MFSD8: variants seen among roughly 807,000 people sequenced by gnomAD.
MFSD8 encodes the protein major facilitator superfamily domain-containing protein 8.
In MFSD8, 55 loss-of-function variants were observed where a neutral mutation model predicts 66.4. The observed-to-expected ratio is 0.83, with a 90% CI of 0.67 to 1.04. The LOEUF is 1.04. MFSD8 is among the 50% of genes least tolerant of loss of function. The probability of loss-of-function intolerance (pLI) is 0.00; values close to 1 mark genes in which losing one functional copy is unlikely to be tolerated. For synonymous variants in MFSD8, 202 were observed against 212.8 expected (o/e 0.95, Z 0.44); for missense variants, 550 against 627.6 (o/e 0.88, Z 1.32).
intron 1 of MFSD8, among the ~76,000 whole-genome samples, chr4:127,960,940 A>G (rs1743633000): frequency 6.6e-6 from 1 of 152,206 alleles, no homozygotes; most frequent in Admixed American, 6.5e-5. Context: ...CTGGTTATCT[A>G]AACACCTATA....
At chr4:127,930,580 A>G (rs1459804426) in intron 9 of MFSD8, 103 bp downstream of exon 9, 45 of 1,321,410 alleles carry the variant, frequency 3.4e-5, no homozygotes, top group Non-Finnish European at 4.8e-5. Context: ...GTGTGCAAAA[A>G]AAAGCTTTAA....
chr4:127,962,145 CG>C (rs1191962210), intron 1 of MFSD8, among the ~76,000 whole-genome samples: 4 of 152,106 alleles, frequency 2.6e-5, no homozygotes, highest in Non-Finnish European at 4.4e-5. Context: ...AAAAAGCAGA[CG>C]TAAGTACTTA....
chr4:127,964,501 G>GGGGCCGGCA (rs1560789480), intron 1 of MFSD8, among the ~76,000 whole-genome samples: 2 of 152,226 alleles, frequency 1.3e-5, no homozygotes, highest in African/African-American at 2.4e-5. Flanking sequence ...CTCATTGCCC[G>GGGGCCGGCA]GGGCCGGCAG....
rs1220960983 is a variant in MFSD8 at position 127,957,690 on chromosome 4, T to C, written c.63-98A>G. ...TTCTCTAGTTATGAAAATGATGTGA[T>C]AGAGGTAGAATTTACCAATATTGAT... is the stretch of plus-strand genomic sequence containing the variant. On this transcript the variant is annotated intron_variant, in intron 1 of 11. Transcript: ENST00000641686. 7.3e-6 allele frequency: 6 copies of C among 824,106 alleles called. No homozygotes were observed. In the South Asian group the frequency reaches 7.7e-5, roughly 11 times the overall value. The allele number at this position is 824,106 out of a possible 1,614,324, so 51.0% of individuals were successfully genotyped here. A position where few individuals can be genotyped will look rare whatever the true frequency, so the allele number is the denominator to read the frequency against.
intron 2 of MFSD8, among the ~76,000 whole-genome samples, chr4:127,953,543 GTTTTTTTTTTTTTTTT>G (rs952826538): frequency 7.5e-5 from 5 of 67,032 alleles, no homozygotes; most frequent in Admixed American, 3.3e-4. Context: ...AAGGCATTCT[GTTTTTTTTTTTTTTTT>G]TTTTTTTTTT....
In MFSD8 at chr4:127,942,029, T is replaced by A. The variant is rs777108961; in HGVS notation, c.553+16A>T. 7 of 1,581,520 alleles carry A rather than the reference T, an allele frequency of 4.4e-6. No homozygotes were observed. The South Asian group carries it at 5.5e-5, about 13-fold the overall frequency. On this transcript the variant is annotated intron_variant, in intron 5 of 11. Transcript: ENST00000641686. ...CCCAATTCAAATTCAAGTAATGACATGTGAAGAACACCTACCTGGACCTAG... is the reference window on the plus strand; with the variant it reads ...CCCAATTCAAATTCAAGTAATGACAAGTGAAGAACACCTACCTGGACCTAG...
intron 6 of MFSD8, chr4:127,939,063 A>G (rs1560745950): frequency 5.5e-6 from 2 of 362,984 alleles, no homozygotes; most frequent in African/African-American, 2.1e-5. Flanking sequence ...AATCCAACTC[A>G]TCCTAAAGCA....
chr4:127,947,610 G>T (rs1359809033), intron 3 of MFSD8, among the ~76,000 whole-genome samples: 1 of 149,904 alleles, frequency 6.7e-6, no homozygotes, highest in Non-Finnish European at 1.5e-5. Context: ...AGAGAGAGAA[G>T]GCTTTCCAGA....
At chr4:127,954,454 A>G (rs1012307403) in intron 2 of MFSD8, among the ~76,000 whole-genome samples, 2 of 152,170 alleles carry the variant, frequency 1.3e-5, no homozygotes, top group Non-Finnish European at 2.9e-5. Context: ...CGTCTCTACT[A>G]AAAATACAAA....
chr4:127,924,996 A>G (rs1736957182), intron 9 of MFSD8, among the ~76,000 whole-genome samples: 1 of 152,204 alleles, frequency 6.6e-6, no homozygotes, highest in Non-Finnish European at 1.5e-5. Context: ...TAGGGAAAGG[A>G]TTCCCTATTT....
rs968633203 is a variant in MFSD8, at chr4:127,918,619, G to A, written c.*2011C>T. The A allele has an allele frequency of 3.9e-5, 6 of 152,132 alleles. No individual in the cohort carries two copies. Among genetic ancestry groups the A allele is most frequent in the African/African-American group, 1.4e-4 (6 of 41,424 alleles). 9.4% of individuals were successfully genotyped at this position (152,132 alleles called of 1,614,324 possible). ...ATTACCCTACAATTAGTGATTAATT[G>A]AAACTGCAACTTTCTGGGATATTTT... On this transcript the variant is annotated 3_prime_UTR_variant, in exon 12 of 12. Coordinates refer to ENST00000641686, the MANE Select transcript of MFSD8 (RefSeq NM_001371596.2).
Position 127,965,139 on chromosome 4 carries a change from C to A in MFSD8, c.-6G>T. On this transcript the variant is annotated 5_prime_UTR_variant, in exon 1 of 12. Transcript: ENST00000641686. ...TCGTTCCGCAGGCCGGCCATAGTTA[C>A]ACTCCCTACAAGGCGTCTTGCGCCC... 2 of 1,613,978 alleles carry A rather than the reference C, an allele frequency of 1.2e-6. No homozygotes were observed. Among genetic ancestry groups the A allele is most frequent in the Non-Finnish European group, 1.7e-6 (2 of 1,180,018 alleles).
At chr4:127,940,588 A>T (rs995083886) in intron 5 of MFSD8, among the ~76,000 whole-genome samples, 1 of 149,296 alleles carries the variant, frequency 6.7e-6, no homozygotes, top group African/African-American at 2.4e-5. Flanking sequence ...TATTATATAC[A>T]AGTAAAATGA....
intron 1 of MFSD8, among the ~76,000 whole-genome samples, chr4:127,963,719 T>G (rs538757235): frequency 3.3e-5 from 5 of 152,294 alleles, no homozygotes; most frequent in African/African-American, 9.6e-5. Flanking sequence ...GAGTGAGCAG[T>G]AGCAAGATTT....
At chr4:127,963,297 T>C (rs1744109302) in intron 1 of MFSD8, among the ~76,000 whole-genome samples, 1 of 152,218 alleles carries the variant, frequency 6.6e-6, no homozygotes, top group Non-Finnish European at 1.5e-5. Flanking sequence ...ATTAAAACCA[T>C]CATTTTGAAA....
At chr4:127,952,335 C>A (rs1486191348) in intron 2 of MFSD8, among the ~76,000 whole-genome samples, 1 of 151,762 alleles carries the variant, frequency 6.6e-6, no homozygotes, top group Non-Finnish European at 1.5e-5. Context: ...ACCCGGGAGG[C>A]GAAGCTTGCA....
chr4:127,924,828 C>T (rs982723394), intron 9 of MFSD8, among the ~76,000 whole-genome samples: 1 of 152,102 alleles, frequency 6.6e-6, no homozygotes, highest in Non-Finnish European at 1.5e-5. Flanking sequence ...ATCACAATAC[C>T]TGACTTCAAA....
chr4:127,924,755 C>T (rs548581234), intron 9 of MFSD8, among the ~76,000 whole-genome samples: 43 of 152,132 alleles, frequency 2.8e-4, no homozygotes, highest in Non-Finnish European at 4.6e-4. Context: ...AAATTTCATA[C>T]GGAACCAAAA....
chr4:127,926,646 AAT>A (rs1737253622), intron 9 of MFSD8, among the ~76,000 whole-genome samples: 1 of 152,108 alleles, frequency 6.6e-6, no homozygotes, highest in Non-Finnish European at 1.5e-5. Context: ...TTTGAATATA[AAT>A]ATATGTCTAT....
Sources: allele counts gnomAD v4.1 joint callset (sites outside exome capture counted in the v4.1 genomes callset), GRCh38; gene constraint gnomAD v4.1.1; transcripts MANE v1.5; gene names NCBI Gene and HGNC (gene_info 2026-07-23, HGNC 2026-07-21).